The following TWIST2 variants were observed in gnomAD, a reference collection of about 807,000 sequenced individuals.
The protein encoded by TWIST2 is twist family bHLH transcription factor 2, also known as twist-related protein 2.
TWIST2 carries 1 observed loss-of-function variant against 11.6 expected under a neutral mutation model. The observed-to-expected ratio is 0.09, with a 90% CI of 0.03 to 0.41. The LOEUF (loss-of-function observed/expected upper bound fraction) is 0.41. Among genes scored for constraint, TWIST2 ranks in the 10% least tolerant of loss-of-function variants. The pLI, the probability that TWIST2 is intolerant of heterozygous loss-of-function variation, is 0.98. For synonymous variants in TWIST2, 87 were observed against 96.6 expected, an observed-to-expected ratio of 0.90 and a Z score of 0.58; for missense variants, 168 against 226.4, an observed-to-expected ratio of 0.74 and a Z score of 1.66.
intron 1 of TWIST2, among the ~76,000 whole-genome samples, chr2:238,908,905 GTT>G (rs1693402508): frequency 1.4e-5 from 2 of 147,972 alleles, no homozygotes; most frequent in East Asian, 2.1e-4. Context: ...TATGTAGTGT[GTT>G]TGTGTATGTG....
At chr2:238,891,792 T>C (rs1031409641) in intron 1 of TWIST2, among the ~76,000 whole-genome samples, 2 of 152,128 alleles carry the variant, frequency 1.3e-5, no homozygotes, top group Non-Finnish European at 2.9e-5. Flanking sequence ...ATTCTCCGTG[T>C]CTCCGCTGCC....
intron 1 of TWIST2, among the ~76,000 whole-genome samples, chr2:238,850,232 T>C (rs1308801577): frequency 6.6e-6 from 1 of 152,236 alleles, no homozygotes; most frequent in Non-Finnish European, 1.5e-5. Flanking sequence ...TGTGGGAATC[T>C]TCTCCTGTCT....
intron 1 of TWIST2, among the ~76,000 whole-genome samples, chr2:238,874,017 G>A (rs1042959236): frequency 3.9e-5 from 6 of 152,152 alleles, no homozygotes; most frequent in Non-Finnish European, 7.3e-5. Context: ...TCTCTGAGAT[G>A]GGGTTCATGC....
intron 1 of TWIST2, among the ~76,000 whole-genome samples, chr2:238,887,493 TTTTG>T (rs1693061680): frequency 6.6e-6 from 1 of 152,222 alleles, no homozygotes; most frequent in Non-Finnish European, 1.5e-5. Flanking sequence ...CAAATTACTT[TTTTG>T]TTTGTTTTAG....
chr2:238,896,964 C>T (rs1195195550), intron 1 of TWIST2, among the ~76,000 whole-genome samples: 9 of 152,254 alleles, frequency 5.9e-5, no homozygotes, highest in Admixed American at 2.6e-4. Context: ...GGGAGGGAGG[C>T]GCCTGAGTGA....
chr2:238,909,166 G>GT (rs1693411124), intron 1 of TWIST2, among the ~76,000 whole-genome samples: 11 of 136,946 alleles, frequency 8.0e-5, no homozygotes, highest in Admixed American at 2.2e-4. Context: ...TGTGTAGTGT[G>GT]GGGTGTGTGT....
intron 1 of TWIST2, chr2:238,887,359 C>T (rs1344306150): frequency 3.3e-5 from 5 of 152,224 alleles, no homozygotes; most frequent in Non-Finnish European, 5.9e-5. Context: ...CTCTCTGTCT[C>T]TTTCCCCATG....
In TWIST2 at chr2:238,863,240, A is replaced by T. The variant is rs979944144; in HGVS notation, c.*35+14507A>T. 6.6e-6 allele frequency among the ~76,000 whole-genome samples: 1 copy of T among 152,188 alleles called. No individual in the cohort carries two copies. The highest frequency in any genetic ancestry group is 2.4e-5 in the African/African-American group (1 of 41,444). On this transcript the variant is annotated intron_variant, in intron 1 of 1. Coordinates refer to ENST00000612363, the MANE Select transcript of TWIST2 (RefSeq NM_001271893.4). The surrounding 1 kb of genome is among the most constrained non-coding windows in gnomAD (Gnocchi z 4.7). ...GTGAAAATACAGCTGCCATCCACAT[A>T]GGAATGCCCTCACCGCAACCCCCAC... is the stretch of plus-strand genomic sequence containing the variant.
At chr2:238,905,897 G>A (rs1382550067) in intron 1 of TWIST2, among the ~76,000 whole-genome samples, 2 of 120,258 alleles carry the variant, frequency 1.7e-5, no homozygotes, top group African/African-American at 7.0e-5. Flanking sequence ...GCGCATGCGC[G>A]TGTGTGCGTG....
chr2:238,861,575 C>T (rs1692437173), intron 1 of TWIST2, among the ~76,000 whole-genome samples: 1 of 152,132 alleles, frequency 6.6e-6, no homozygotes, highest in South Asian at 2.1e-4. Flanking sequence ...TCCACTCCTC[C>T]TCCCTATCTC....
chr2:238,850,572 T>A (rs911075453), intron 1 of TWIST2, among the ~76,000 whole-genome samples: 2 of 152,216 alleles, frequency 1.3e-5, no homozygotes, highest in Non-Finnish European at 2.9e-5. Flanking sequence ...GCTGCTAGAA[T>A]TTAGTAGGAA....
intron 1 of TWIST2, among the ~76,000 whole-genome samples, chr2:238,893,954 C>T (rs1438880747): frequency 3.3e-5 from 5 of 152,074 alleles, no homozygotes; most frequent in African/African-American, 9.7e-5. Flanking sequence ...CAGTTCTCCC[C>T]GGCCTTGCCT....
At chr2:238,902,816 T>C (rs1306897117) in intron 1 of TWIST2, among the ~76,000 whole-genome samples, 6 of 134,848 alleles carry the variant, frequency 4.4e-5, no homozygotes, top group Admixed American at 3.8e-4. Context: ...GTGTGTGTGA[T>C]GTGTGTATGT....
intron 1 of TWIST2, among the ~76,000 whole-genome samples, chr2:238,870,496 C>CA (rs1692653129): frequency 6.5e-5 from 8 of 123,398 alleles, no homozygotes; most frequent in Non-Finnish European, 8.5e-5. Flanking sequence ...ACCACACACC[C>CA]CACGCACACA....
rs140539460 is a variant in TWIST2, at chr2:238,862,161, T to G, written c.*35+13428T>G. Among the ~76,000 whole-genome samples, 294 of 152,362 alleles carry G rather than the reference T, an allele frequency of 1.9e-3. 2 individuals carry two copies. Among genetic ancestry groups the G allele is most frequent in the African/African-American group, 6.7e-3 (277 of 41,590 alleles). On this transcript the variant is annotated intron_variant, in intron 1 of 1. Transcript: ENST00000612363. ...AGTGAGCTGAAGTGGTGTTTACTAATGCAGGCCTTTCCGACCATCTGCTTC... is the reference window on the plus strand; with the variant it reads ...AGTGAGCTGAAGTGGTGTTTACTAAGGCAGGCCTTTCCGACCATCTGCTTC...
chr2:238,901,519 T>G (rs1693268548), intron 1 of TWIST2, among the ~76,000 whole-genome samples: 1 of 152,244 alleles, frequency 6.6e-6, no homozygotes, highest in Non-Finnish European at 1.5e-5. Flanking sequence ...AGGCCTCTGC[T>G]AGGCGTTCAG....
chr2:238,908,722 G>GTGTT (rs1381742942), intron 1 of TWIST2, among the ~76,000 whole-genome samples: 87,934 of 151,508 alleles, frequency 0.58, 26,752 homozygotes, highest in African/African-American at 0.78. Flanking sequence ...TGTGCAGTGT[G>GTGTT]TGTGTGGGTA....
chr2:238,868,383 G>A (rs1183856142), intron 1 of TWIST2, among the ~76,000 whole-genome samples: 2 of 152,200 alleles, frequency 1.3e-5, no homozygotes, highest in Non-Finnish European at 2.9e-5. Context: ...CAGCTAAGCA[G>A]GGTTTGGAAG....
chr2:238,868,667 G>A (rs1692588628), intron 1 of TWIST2, among the ~76,000 whole-genome samples: 1 of 152,230 alleles, frequency 6.6e-6, no homozygotes, highest in Non-Finnish European at 1.5e-5. Flanking sequence ...GTGTTCCAAG[G>A]TTGGTGACTG....
Sources: gnomAD v4.1 joint callset for allele counts (sites outside exome capture counted in the v4.1 genomes callset) on GRCh38, gnomAD v4.1.1 for gene constraint, Gnocchi (gnomAD v3.1) non-coding constraint, MANE v1.5 for transcripts, NCBI Gene and HGNC (gene_info 2026-07-23, HGNC 2026-07-21) for gene names.